The following GNAQ variants were observed in gnomAD, a reference collection of about 807,000 sequenced individuals.
GNAQ encodes the protein guanine nucleotide-binding protein G(q) subunit alpha.
GNAQ carries 8 observed loss-of-function variants against 43.9 expected under a neutral mutation model. The ratio of observed to expected loss-of-function variants is 0.18; its 90% CI spans 0.11 to 0.33. GNAQ has a LOEUF of 0.33. Ranked by LOEUF, GNAQ falls within the 10% of genes least tolerant of loss-of-function variation. GNAQ has a pLI of 1.00. For missense variants in GNAQ, 158 were observed against 450.8 expected, an observed-to-expected ratio of 0.35 and a Z score of 5.88; for synonymous variants, 155 against 170.7, an observed-to-expected ratio of 0.91 and a Z score of 0.71.
At chr9:77,809,188 T>A (rs1444904784) in intron 3 of GNAQ, among the ~76,000 whole-genome samples, 1 of 152,224 alleles carries the variant, frequency 6.6e-6, no homozygotes, top group African/African-American at 2.4e-5. Flanking sequence ...AATCTACTCA[T>A]GTTCTTTACG....
chr9:77,931,568 G>A (rs1226472003), intron 1 of GNAQ, among the ~76,000 whole-genome samples: 1 of 151,808 alleles, frequency 6.6e-6, no homozygotes, highest in Non-Finnish European at 1.5e-5. Flanking sequence ...TCCAGCCTGG[G>A]TGACAGAGCG....
chr9:77,716,205 A>C lies in GNAQ; in HGVS notation c.*5118T>G, dbSNP rs1825225625. 1 of 211,518 alleles carries C rather than the reference A, an allele frequency of 4.7e-6. No individual in the cohort carries two copies. The highest frequency in any genetic ancestry group is 2.3e-5 in the African/African-American group (1 of 44,226). 13.1% of individuals were successfully genotyped at this position (211,518 alleles called of 1,614,324 possible). A position where few individuals can be genotyped will look rare whatever the true frequency, so the allele number is the denominator to read the frequency against. ...TTCAGTACTCCTACTAATACAAAAC[A>C]TTCTGAGAGGGGCTCGGGCAACTTT... On this transcript the variant is annotated 3_prime_UTR_variant, in exon 7 of 7. Transcript: ENST00000286548.
intron 1 of GNAQ, among the ~76,000 whole-genome samples, chr9:78,009,783 G>A (rs540516148): frequency 4.9e-4 from 75 of 152,130 alleles, no homozygotes; most frequent in African/African-American, 1.7e-3. Flanking sequence ...CCCAGAATTA[G>A]GATGAAATTC....
At chr9:78,016,263 G>A (rs931149276) in intron 1 of GNAQ, among the ~76,000 whole-genome samples, 10 of 152,112 alleles carry the variant, frequency 6.6e-5, no homozygotes, top group African/African-American at 1.9e-4. Flanking sequence ...AAACTGTTGC[G>A]CTTCAGAACA....
chr9:77,972,809 C>T (rs112369719), intron 1 of GNAQ, among the ~76,000 whole-genome samples: 104 of 151,766 alleles, frequency 6.9e-4, no homozygotes, highest in African/African-American at 2.1e-3. Context: ...AAAAATTAGC[C>T]GGGCGTGGTG....
chr9:77,870,626 T>C (rs1161754902), intron 2 of GNAQ, among the ~76,000 whole-genome samples: 1 of 151,972 alleles, frequency 6.6e-6, no homozygotes, highest in Admixed American at 6.6e-5. Flanking sequence ...CGCCCCGCCT[T>C]TGGTGCTAGT....
intron 1 of GNAQ, among the ~76,000 whole-genome samples, chr9:77,934,854 CGGT>C (rs1482809046): frequency 3.9e-5 from 6 of 152,118 alleles, no homozygotes; most frequent in Non-Finnish European, 4.4e-5. Context: ...GGGCCGGGTG[CGGT>C]GGCTCACGCC....
At chr9:77,897,200 C>G in intron 2 of GNAQ, among the ~76,000 whole-genome samples, 2 of 152,272 alleles carry the variant, frequency 1.3e-5, no homozygotes, top group Middle Eastern at 6.8e-3. Flanking sequence ...ACTATGATGC[C>G]GGGGAAAATC....
chr9:77,856,977 C>A (rs1339048447), intron 2 of GNAQ, among the ~76,000 whole-genome samples: 2 of 152,138 alleles, frequency 1.3e-5, no homozygotes, highest in Non-Finnish European at 2.9e-5. Flanking sequence ...GCCATCTGGA[C>A]CCACTCTCTT....
intron 1 of GNAQ, among the ~76,000 whole-genome samples, chr9:77,932,760 A>G (rs1829170491): frequency 6.6e-6 from 1 of 152,208 alleles, no homozygotes; most frequent in African/African-American, 2.4e-5. Flanking sequence ...TTCTAAGTGC[A>G]CTGGACAGCC....
intron 1 of GNAQ, among the ~76,000 whole-genome samples, chr9:77,980,185 C>T (rs762366107): frequency 6.6e-6 from 1 of 152,254 alleles, no homozygotes; most frequent in East Asian, 1.9e-4. Context: ...GTACAACAGG[C>T]ACAATACCAC....
chr9:77,873,231 A>G (rs1362906742), intron 2 of GNAQ, among the ~76,000 whole-genome samples: 2 of 152,242 alleles, frequency 1.3e-5, no homozygotes, highest in South Asian at 2.1e-4. Context: ...CTGTTTGCAC[A>G]TGCAAGGTAG....
intron 2 of GNAQ, among the ~76,000 whole-genome samples, chr9:77,902,387 T>C (rs1006697176): frequency 6.6e-6 from 1 of 152,202 alleles, no homozygotes; most frequent in Non-Finnish European, 1.5e-5. Context: ...CTTTGGCAAT[T>C]AGCACTAGCA....
chr9:77,761,685 C>T (rs1286330746), intron 5 of GNAQ, among the ~76,000 whole-genome samples: 2 of 86,484 alleles, frequency 2.3e-5, no homozygotes, highest in African/African-American at 5.2e-5. Context: ...GGGGGTCAGC[C>T]CCCCACCCGG....
intron 3 of GNAQ, among the ~76,000 whole-genome samples, chr9:77,808,774 T>C (rs1022181729): frequency 5.3e-5 from 8 of 151,852 alleles, no homozygotes; most frequent in African/African-American, 1.9e-4. Flanking sequence ...AGGTAGTGAG[T>C]AGCAGAGGGA....
At chr9:77,961,170 G>A (rs1338280870) in intron 1 of GNAQ, among the ~76,000 whole-genome samples, 1 of 152,104 alleles carries the variant, frequency 6.6e-6, no homozygotes, top group African/African-American at 2.4e-5. Context: ...TAAAATGGGG[G>A]GAAAAGCCCA....
chr9:78,023,585 T>C (rs1049072499), intron 1 of GNAQ, among the ~76,000 whole-genome samples: 5 of 151,826 alleles, frequency 3.3e-5, no homozygotes, highest in African/African-American at 1.2e-4. Flanking sequence ...AGTAAATACA[T>C]GGTGGTAGAA....
intron 3 of GNAQ, 150 bp downstream of exon 3, chr9:77,815,466 G>A: frequency 2.0e-6 from 1 of 489,466 alleles, no homozygotes; most frequent in East Asian, 3.2e-5. Flanking sequence ...TTATGAGGTT[G>A]GCATAAGTTC....
intron 5 of GNAQ, among the ~76,000 whole-genome samples, chr9:77,763,011 T>A (rs375274484): frequency 1.3e-5 from 2 of 151,974 alleles, no homozygotes; most frequent in East Asian, 1.9e-4. Flanking sequence ...CTTTGTTCAC[T>A]TGTTTATCTG....
Sources: allele counts gnomAD v4.1 joint callset (sites outside exome capture counted in the v4.1 genomes callset), GRCh38; gene constraint gnomAD v4.1.1; transcripts MANE v1.5; gene names NCBI Gene and HGNC (gene_info 2026-07-23, HGNC 2026-07-21).